Variants in RHOU observed in about 807,000 individuals in gnomAD.
RHOU encodes rho-related GTP-binding protein RhoU.
In RHOU, 8 loss-of-function variants were observed where a neutral mutation model predicts 12.6. The ratio of observed to expected loss-of-function variants is 0.64; its 90% confidence interval spans 0.37 to 1.15. The LOEUF (loss-of-function observed/expected upper bound fraction) is 1.15, where lower values mean the gene tolerates loss of function less well. Among genes scored for constraint, RHOU ranks in the 50% most tolerant of loss-of-function variants. RHOU has a pLI of 0.01. For missense variants in RHOU, 258 were observed against 347.0 expected (o/e 0.74, Z 2.04); for synonymous variants, 161 against 147.4 (o/e 1.09, Z -0.67).
At chr1:228,650,751 G>A in the RHOU span, 4 of 445,380 alleles carry the variant, frequency 9.0e-6, no homozygotes, top group African/African-American at 6.2e-5. Flanking sequence ...TATGATCAGG[G>A]TGGTCCAGTT....
the RHOU span, among the ~76,000 whole-genome samples, chr1:228,711,630 T>C: frequency 2.0e-5 from 3 of 152,150 alleles, no homozygotes; most frequent in African/African-American, 4.8e-5. Context: ...AACTGGATCC[T>C]TTCCTTACAC....
chr1:228,681,518 T>C, the RHOU span, among the ~76,000 whole-genome samples: 1 of 151,896 alleles, frequency 6.6e-6, no homozygotes, highest in Non-Finnish European at 1.5e-5. Flanking sequence ...ATGAGTCGCA[T>C]TGGGAACAGA....
upstream of RHOU, among the ~76,000 whole-genome samples, chr1:228,733,866 G>T (rs755305768): frequency 6.6e-6 from 1 of 152,206 alleles, no homozygotes; most frequent in Admixed American, 6.5e-5. Context: ...CAGGGCGAGG[G>T]AGAGGCAAGT....
At chr1:228,680,727 A>G in the RHOU span, among the ~76,000 whole-genome samples, 1 of 152,204 alleles carries the variant, frequency 6.6e-6, no homozygotes, top group Non-Finnish European at 1.5e-5. Context: ...GCGGTAAAGC[A>G]TCTAAGGATT....
chr1:228,721,673 G>T, the RHOU span, among the ~76,000 whole-genome samples: 2 of 152,168 alleles, frequency 1.3e-5, no homozygotes, highest in Non-Finnish European at 2.9e-5. Flanking sequence ...GTTTTGTTTT[G>T]TCTTGAGACG....
At chr1:228,650,936 AT>A in the RHOU span, 1 of 366,538 alleles carries the variant, frequency 2.7e-6, no homozygotes. Flanking sequence ...CATGGCTGAC[AT>A]TAGCTCTCAC....
chr1:228,647,517 C>G, the RHOU span, among the ~76,000 whole-genome samples: 1 of 152,198 alleles, frequency 6.6e-6, no homozygotes, highest in African/African-American at 2.4e-5. Context: ...GCAGTCCATG[C>G]GTTCTGGAGC....
chr1:228,647,380 G>A, the RHOU span, among the ~76,000 whole-genome samples: 2 of 152,326 alleles, frequency 1.3e-5, no homozygotes, highest in East Asian at 3.9e-4. Flanking sequence ...GGGCGCGTCC[G>A]GAGGCCTGGG....
At chr1:228,729,928 T>TAA in the RHOU span, among the ~76,000 whole-genome samples, 1 of 152,242 alleles carries the variant, frequency 6.6e-6, no homozygotes, top group Non-Finnish European at 1.5e-5. Context: ...ACCAACCATG[T>TAA]GGTCTGAGCC....
At chr1:228,730,340 A>C in the RHOU span, among the ~76,000 whole-genome samples, 1 of 152,166 alleles carries the variant, frequency 6.6e-6, no homozygotes, top group Non-Finnish European at 1.5e-5. Context: ...TTGAGGCATG[A>C]GGTGTAGGGA....
At chr1:228,694,736 G>A in the RHOU span, among the ~76,000 whole-genome samples, 3 of 152,142 alleles carry the variant, frequency 2.0e-5, no homozygotes, top group South Asian at 2.1e-4. Context: ...TGGGCAGTTA[G>A]GTTGAGTCCA....
chr1:228,729,388 T>G, the RHOU span, among the ~76,000 whole-genome samples: 15 of 152,136 alleles, frequency 9.9e-5, 1 homozygote, highest in East Asian at 1.9e-3. Context: ...ATTTATATGG[T>G]TTTTAGTTTT....
At chr1:228,708,413 G>A in the RHOU span, among the ~76,000 whole-genome samples, 1 of 151,492 alleles carries the variant, frequency 6.6e-6, no homozygotes, top group Non-Finnish European at 1.5e-5. Flanking sequence ...AGAGAGAAAG[G>A]TCGGGTTACC....
At chr1:228,668,246 T>A in the RHOU span, among the ~76,000 whole-genome samples, 2 of 152,254 alleles carry the variant, frequency 1.3e-5, no homozygotes, top group East Asian at 3.8e-4. Flanking sequence ...TATATACCTT[T>A]GCACATGGCT....
chr1:228,689,983 G>T, the RHOU span, among the ~76,000 whole-genome samples: 1 of 150,282 alleles, frequency 6.7e-6, no homozygotes, highest in Non-Finnish European at 1.5e-5. Flanking sequence ...TTTCCAGTGT[G>T]CCTGAAACCG....
the RHOU span, among the ~76,000 whole-genome samples, chr1:228,701,088 C>T: frequency 1.3e-5 from 2 of 151,778 alleles, no homozygotes; most frequent in South Asian, 2.1e-4. Context: ...GAGCCTGTTT[C>T]GAAAAAAATT....
chr1:228,679,609 G>A, the RHOU span, among the ~76,000 whole-genome samples: 7 of 152,138 alleles, frequency 4.6e-5, no homozygotes, highest in East Asian at 1.2e-3. Context: ...CCAGTTTTTG[G>A]ACAGGTAAAA....
the RHOU span, chr1:228,650,402 G>C: frequency 2.2e-6 from 1 of 457,282 alleles, no homozygotes; most frequent in East Asian, 6.9e-5. Flanking sequence ...GTGTGCGCCA[G>C]CCCGGGGCGG....
chr1:228,671,875 T>A, the RHOU span, among the ~76,000 whole-genome samples: 200 of 152,334 alleles, frequency 1.3e-3, no homozygotes, highest in African/African-American at 4.6e-3. Flanking sequence ...TATTGCCATT[T>A]TTCAAAATAA....
Sources: gnomAD v4.1 joint callset for allele counts (sites outside exome capture counted in the v4.1 genomes callset) on GRCh38, gnomAD v4.1.1 for gene constraint, MANE v1.5 for transcripts, NCBI Gene and HGNC (gene_info 2026-07-23, HGNC 2026-07-21) for gene names.